MAGI2: variants seen among roughly 807,000 people sequenced by gnomAD.
MAGI2 encodes the protein membrane associated guanylate kinase, WW and PDZ domain containing 2.
Under a neutral mutation model 133.3 loss-of-function variants are expected in MAGI2, and 35 were observed. The observed-to-expected ratio is 0.26, with a 90% confidence interval of 0.20 to 0.35. The LOEUF (loss-of-function observed/expected upper bound fraction) is 0.35, where lower values mean the gene tolerates loss of function less well. Ranked by LOEUF, MAGI2 falls within the 10% of genes least tolerant of loss-of-function variation. MAGI2 has a pLI of 1.00. For synonymous variants in MAGI2, 729 were observed against 710.6 expected, an observed-to-expected ratio of 1.03 and a Z score of -0.41; for missense variants, 1,636 against 1,863.4, an observed-to-expected ratio of 0.88 and a Z score of 2.25.
chr7:79,347,250 C>A (rs974203651), intron 1 of MAGI2, among the ~76,000 whole-genome samples: 1 of 151,818 alleles, frequency 6.6e-6, no homozygotes, highest in African/African-American at 2.4e-5. Flanking sequence ...ACGCTAAAAT[C>A]ATAACCAAAA....
At chr7:78,959,679 A>T (rs1159638598) in intron 2 of MAGI2, among the ~76,000 whole-genome samples, 1 of 152,128 alleles carries the variant, frequency 6.6e-6, no homozygotes. Context: ...ACATTGTGTC[A>T]CCGTGTGGTT....
chr7:78,234,895 C>T (rs1790366729), intron 10 of MAGI2, among the ~76,000 whole-genome samples: 1 of 152,078 alleles, frequency 6.6e-6, no homozygotes, highest in South Asian at 2.1e-4. Flanking sequence ...CAGCAGAGCA[C>T]ATTTTTGACA....
intron 2 of MAGI2, among the ~76,000 whole-genome samples, chr7:78,776,795 T>C (rs892775456): frequency 2.0e-4 from 30 of 152,240 alleles, no homozygotes; most frequent in African/African-American, 6.5e-4. Flanking sequence ...TTGCAAACTA[T>C]AGGCAAGCAT....
chr7:79,159,209 T>C (rs28831200), intron 1 of MAGI2, among the ~76,000 whole-genome samples: 13,389 of 152,030 alleles, frequency 0.088, 1,175 homozygotes, highest in African/African-American at 0.22. Flanking sequence ...AAACAGAAAG[T>C]CTAAGCATGT....
chr7:78,167,611 GT>G (rs1373825288), intron 15 of MAGI2, among the ~76,000 whole-genome samples: 1 of 152,116 alleles, frequency 6.6e-6, no homozygotes, highest in African/African-American at 2.4e-5. Flanking sequence ...TGACTATCAT[GT>G]TCTTCTTAGA....
At chr7:78,540,603 A>G (rs1798332781) in intron 3 of MAGI2, among the ~76,000 whole-genome samples, 1 of 151,902 alleles carries the variant, frequency 6.6e-6, no homozygotes, top group African/African-American at 2.4e-5. Flanking sequence ...CCCCCACCAG[A>G]TTCTGCCCAG....
intron 1 of MAGI2, among the ~76,000 whole-genome samples, chr7:79,231,827 T>A (rs1035950105): frequency 1.3e-5 from 2 of 151,386 alleles, no homozygotes; most frequent in Non-Finnish European, 2.9e-5. Flanking sequence ...CTTCTAACAC[T>A]ATGTTGAATA....
chr7:78,493,978 CTTTT>C (rs373155228), intron 5 of MAGI2, among the ~76,000 whole-genome samples: 6 of 150,320 alleles, frequency 4.0e-5, no homozygotes, highest in Non-Finnish European at 7.4e-5. Context: ...CTTTCCTATT[CTTTT>C]TTTTTTCTTT....
At chr7:78,983,978 C>T (rs1037970544) in intron 2 of MAGI2, among the ~76,000 whole-genome samples, 7 of 151,920 alleles carry the variant, frequency 4.6e-5, no homozygotes, top group African/African-American at 1.7e-4. Flanking sequence ...TGTGTTATCT[C>T]CATTTAAATG....
chr7:79,227,471 T>G (rs1014492929), intron 1 of MAGI2, among the ~76,000 whole-genome samples: 2 of 152,202 alleles, frequency 1.3e-5, no homozygotes, highest in Non-Finnish European at 2.9e-5. Flanking sequence ...GGCAAGAAAT[T>G]TGCTATATAG....
chr7:78,175,946 G>A (rs753412776), intron 14 of MAGI2, among the ~76,000 whole-genome samples: 1 of 152,230 alleles, frequency 6.6e-6, no homozygotes, highest in Non-Finnish European at 1.5e-5. Flanking sequence ...AGGTCAGGAG[G>A]TTCTGTAGCA....
intron 4 of MAGI2, among the ~76,000 whole-genome samples, chr7:78,513,134 T>TA (rs1002598036): frequency 1.1e-4 from 16 of 152,122 alleles, no homozygotes; most frequent in African/African-American, 3.9e-4. Context: ...ATTTTTTTTT[T>TA]AATCAGGAGC....
chr7:78,896,133 T>C (rs1280629263), intron 2 of MAGI2, among the ~76,000 whole-genome samples: 1 of 152,206 alleles, frequency 6.6e-6, no homozygotes, highest in East Asian at 1.9e-4. Context: ...CAAGTTAATT[T>C]GGGATATAAT....
intron 5 of MAGI2, among the ~76,000 whole-genome samples, chr7:78,491,911 G>GTA (rs1188422098): frequency 2.1e-5 from 3 of 140,360 alleles, no homozygotes; most frequent in African/African-American, 7.8e-5. Context: ...GTGTGTGTGT[G>GTA]TGTGTGTGTT....
intron 2 of MAGI2, among the ~76,000 whole-genome samples, chr7:78,861,412 A>G (rs746240834): frequency 1.4e-4 from 21 of 152,190 alleles, no homozygotes; most frequent in Non-Finnish European, 2.1e-4. Context: ...CCCCTTGAAC[A>G]TTCTTATGGA....
chr7:79,379,380 G>A (rs1843627901), intron 1 of MAGI2, among the ~76,000 whole-genome samples: 1 of 151,832 alleles, frequency 6.6e-6, no homozygotes, highest in Non-Finnish European at 1.5e-5. Flanking sequence ...ATTTGGGTTG[G>A]TTCAAAGTCT....
At chr7:79,389,001 A>G (rs1432060819) in intron 1 of MAGI2, among the ~76,000 whole-genome samples, 4 of 152,002 alleles carry the variant, frequency 2.6e-5, no homozygotes, top group Admixed American at 6.6e-5. Context: ...AGAAACGTCA[A>G]AGTTTTACTG....
intron 20 of MAGI2, among the ~76,000 whole-genome samples, chr7:78,120,909 G>T (rs1243866792): frequency 3.4e-5 from 5 of 145,358 alleles, no homozygotes; most frequent in African/African-American, 1.3e-4. Flanking sequence ...GCTGAGGCAG[G>T]AGAATGGCGT....
rs1286787172 is a variant in MAGI2 at position 78,337,385 on chromosome 7, A to T, written c.1408+6393T>A. Among the ~76,000 whole-genome samples, 6 of 152,218 alleles carry T rather than the reference A, an allele frequency of 3.9e-5. No homozygotes were observed. In the East Asian group the frequency reaches 1.2e-3, roughly 29 times the overall value. ...CTGCCCTCATTTTCTCCTGTTCTCC[A>T]TACCTTCCCAGGAGTCAGTGCTGAC... On this transcript the variant is annotated intron_variant, in intron 9 of 21. Transcript: ENST00000354212.
Sources: gnomAD v4.1 joint callset for allele counts (sites outside exome capture counted in the v4.1 genomes callset) on GRCh38, gnomAD v4.1.1 for gene constraint, MANE v1.5 for transcripts, NCBI Gene and HGNC (gene_info 2026-07-23, HGNC 2026-07-21) for gene names.